FAAP20: variants seen among roughly 807,000 people sequenced by gnomAD.
The protein encoded by FAAP20 is Fanconi anemia core complex-associated protein 20.
A neutral mutation model predicts 16.2 loss-of-function variants in FAAP20; 12 were observed. That is an observed-to-expected ratio of 0.74 (90% CI 0.48 to 1.20). The LOEUF is 1.20. Ranked by LOEUF, FAAP20 falls within the 50% of genes most tolerant of loss-of-function variation. The pLI is 0.00. For synonymous variants in FAAP20, 141 were observed against 110.7 expected (o/e 1.27, Z -1.72); for missense variants, 288 against 245.8 (o/e 1.17, Z -1.15).
chr1:2,190,121 C>T (rs1002905002), intron 3 of FAAP20: 2 of 527,486 alleles, frequency 3.8e-6, no homozygotes, highest in South Asian at 1.5e-5. Context: ...CGGCCTGACC[C>T]GGAGAAAAGG....
At chr1:2,208,453 A>G (rs74925221), downstream of FAAP20, among the ~76,000 whole-genome samples, 408 of 152,250 alleles carry the variant, frequency 2.7e-3, 1 homozygote, top group African/African-American at 8.5e-3. Context: ...TCCAAGTTAA[A>G]CATTACTCAT....
rs1191411775 is a variant in FAAP20, at chr1:2,212,512, C to T, written n.26+37G>A. 2.5e-5 allele frequency: 4 copies of T among 160,272 alleles called. No homozygotes were observed. In the East Asian group the frequency reaches 5.7e-4, roughly 23 times the overall value. The allele number at this position is 160,272 out of a possible 1,614,324, so 9.9% of individuals were successfully genotyped here. Reference sequence around the variant, plus strand: ...GGAGGGGGCCAGGGAAGCCCTGCAGCCCCCCCACCCCCACCCCCGGCCCCA... The same window carrying T: ...GGAGGGGGCCAGGGAAGCCCTGCAGTCCCCCCACCCCCACCCCCGGCCCCA... On this transcript the variant is annotated intron_variant and non_coding_transcript_variant, in intron 1 of 1. Transcript: ENST00000420964.
upstream of FAAP20, chr1:2,201,251 G>A (rs1275892889): frequency 1.7e-6 from 2 of 1,193,522 alleles, no homozygotes; most frequent in Admixed American, 2.9e-5. Context: ...AGGACAGTGG[G>A]TGGCCTGGGC....
chr1:2,201,356 G>C, upstream of FAAP20: 1 of 715,110 alleles, frequency 1.4e-6, no homozygotes, highest in Non-Finnish European at 1.8e-6. Context: ...CCCGTGGGCA[G>C]GGAGCAAGAA....
At chr1:2,187,070 T>TG, downstream of FAAP20, 1 of 397,826 alleles carries the variant, frequency 2.5e-6, no homozygotes, top group South Asian at 1.8e-5. Context: ...TCTGGTGACT[T>TG]GGGGGCTGCA....
chr1:2,189,877 C>T, intron 3 of FAAP20, 96 bp from the exon 4 acceptor site: 3 of 969,526 alleles, frequency 3.1e-6, no homozygotes, highest in Non-Finnish European at 4.9e-6. Flanking sequence ...GCTCCTGCCG[C>T]TGGAGAGGAT....
At chr1:2,202,248 AG>A (rs1301345649), upstream of FAAP20, among the ~76,000 whole-genome samples, 1 of 152,124 alleles carries the variant, frequency 6.6e-6, no homozygotes, top group Non-Finnish European at 1.5e-5. Flanking sequence ...CCCGAGGAGG[AG>A]GTGGCCTCTG....
downstream of FAAP20, among the ~76,000 whole-genome samples, chr1:2,208,756 G>C (rs1270561982): frequency 6.6e-6 from 1 of 152,240 alleles, no homozygotes. Flanking sequence ...CCCCAGAGGG[G>C]TTTGGGCCGG....
upstream of FAAP20, chr1:2,198,435 C>T (rs934290805): frequency 8.0e-6 from 3 of 375,292 alleles, no homozygotes; most frequent in African/African-American, 4.3e-5. Flanking sequence ...CCAGGCTGGC[C>T]GTAGGTCAGG....
Position 2,189,923 on chromosome 1 carries a change from G to T in FAAP20, c.471-142C>A, listed in dbSNP as rs947931378. The T allele has an allele frequency of 2.6e-5, 18 of 700,384 alleles. No homozygotes were observed. In the Admixed American group the frequency reaches 3.3e-4, roughly 13 times the overall value. 43.4% of individuals were successfully genotyped at this position (700,384 alleles called of 1,614,324 possible). On this transcript the variant is annotated intron_variant, in intron 3 of 3. Coordinates refer to ENST00000378546, the MANE Select transcript of FAAP20 (RefSeq NM_182533.4). ...AGAAACAAGGGACGGGGCCACCCCAGGGGCTCATGCACCCGGCAGACCACG... is the reference window on the plus strand; with the variant it reads ...AGAAACAAGGGACGGGGCCACCCCATGGGCTCATGCACCCGGCAGACCACG...
chr1:2,185,545 T>G, downstream of FAAP20: 1 of 713,102 alleles, frequency 1.4e-6, no homozygotes, highest in African/African-American at 1.7e-5. Context: ...AAGAATTGTT[T>G]CCTAAAAACC....
chr1:2,189,790 G>C lies in FAAP20; in HGVS notation c.471-9C>G. ...CATCCAGCTGGGTCAGCCTGCAAGG[G>C]AGGGGCCACACTCACTCGGCCACCT... On this transcript the variant is annotated splice_polypyrimidine_tract_variant and intron_variant, in intron 3 of 3. Coordinates refer to ENST00000378546, the MANE Select transcript of FAAP20 (RefSeq NM_182533.4). 1 of 1,608,646 alleles carries C rather than the reference G, an allele frequency of 6.2e-7. No homozygotes were observed. The highest frequency in any genetic ancestry group is 8.5e-7 in the Non-Finnish European group (1 of 1,175,996).
upstream of FAAP20, chr1:2,198,891 G>T: frequency 7.8e-7 from 1 of 1,289,800 alleles, no homozygotes; most frequent in Non-Finnish European, 1.0e-6. Context: ...GCATTTATGG[G>T]ATACGGGAGT....
At chr1:2,196,805 A>T (rs1432067241), upstream of FAAP20, among the ~76,000 whole-genome samples, 2 of 152,242 alleles carry the variant, frequency 1.3e-5, no homozygotes, top group African/African-American at 4.8e-5. This position sits in a 1 kb window ranked among gnomAD's most constrained non-coding sequence, Gnocchi z 4.5. Flanking sequence ...GCACCACTGC[A>T]CAACAGCTTG....
At chr1:2,192,270 C>T (rs925808434) in intron 3 of FAAP20, 4 of 986,222 alleles carry the variant, frequency 4.1e-6, no homozygotes, top group East Asian at 1.1e-4. Context: ...GCCACAGCCT[C>T]GGGTGAGTTC....
Position 2,193,903 on chromosome 1 carries a change from C to T in FAAP20, c.206G>A (p.Arg69Lys). ...GACTTCAGTGGGCTCCGGGCCGCAC[C>T]TGGGCTCCTGCAACACAGAGTTGTT... ...SLPAFPGQEPRCGPEPTEVFT... is the reference protein window; with the variant it reads ...SLPAFPGQEPKCGPEPTEVFT... The change falls in exon 3 of 4, where the codon AGG (arginine) becomes AAG (lysine). Residue 69 changes from arginine (R) to lysine (K), a missense_variant. By Grantham distance (26) the Arg-to-Lys change is conservative. Coordinates refer to ENST00000378546, the MANE Select transcript of FAAP20 (RefSeq NM_182533.4). 6.2e-7 allele frequency: 1 copy of T among 1,612,098 alleles called. No homozygotes were observed. Among genetic ancestry groups the T allele is most frequent in the South Asian group, 1.1e-5 (1 of 91,070 alleles).
chr1:2,199,052 G>C (rs1688938641), upstream of FAAP20: 1 of 1,229,642 alleles, frequency 8.1e-7, no homozygotes, highest in African/African-American at 1.5e-5. The surrounding 1 kb of genome is among the most constrained non-coding windows in gnomAD (Gnocchi z 4.5). Flanking sequence ...CACAGCCTCA[G>C]TGGCGGGGTC....
downstream of FAAP20, chr1:2,184,512 C>G: frequency 1.8e-6 from 2 of 1,086,554 alleles, no homozygotes; most frequent in South Asian, 2.9e-5. Flanking sequence ...GATTGAAGTG[C>G]GTGCAAAACA....
chr1:2,199,071 G>A, upstream of FAAP20: 2 of 1,203,308 alleles, frequency 1.7e-6, no homozygotes, highest in Non-Finnish European at 1.1e-6. The surrounding 1 kb of genome is among the most constrained non-coding windows in gnomAD (Gnocchi z 4.5). Flanking sequence ...TCATGGCACA[G>A]GCCTGCCCCT....
Sources: allele counts gnomAD v4.1 joint callset (sites outside exome capture counted in the v4.1 genomes callset), GRCh38; gene constraint gnomAD v4.1.1; non-coding constraint Gnocchi (gnomAD v3.1); transcripts MANE v1.5; gene names NCBI Gene and HGNC (gene_info 2026-07-23, HGNC 2026-07-21).